The following MICAL2 variants were observed in gnomAD, a reference collection of about 807,000 sequenced individuals.
MICAL2 encodes microtubule associated monooxygenase, calponin and LIM domain containing 2.
A neutral mutation model predicts 127.3 loss-of-function variants in MICAL2; 77 were observed. The observed-to-expected ratio is 0.60, with a 90% CI of 0.50 to 0.73. The LOEUF is 0.73. Ranked by LOEUF, MICAL2 falls within the 30% of genes least tolerant of loss-of-function variation. MICAL2 has a pLI of 0.00. For synonymous variants in MICAL2, 570 were observed against 551.1 expected (o/e 1.03, Z -0.48); for missense variants, 1,351 against 1,434.4 (o/e 0.94, Z 0.94).
intron 2 of MICAL2, chr11:12,281,142 G>A: frequency 2.6e-6 from 1 of 384,300 alleles, no homozygotes; most frequent in Non-Finnish European, 4.5e-6. Context: ...GAAGTGGGGA[G>A]GGAACAGAGA....
chr11:12,186,337 C>T (rs1858273852), intron 3 of MICAL2, among the ~76,000 whole-genome samples: 1 of 152,040 alleles, frequency 6.6e-6, no homozygotes, highest in African/African-American at 2.4e-5. Flanking sequence ...GCCTTAGACC[C>T]TTTAAAAGTA....
At chr11:12,148,221 T>G (rs1853164231) in intron 2 of MICAL2, among the ~76,000 whole-genome samples, 1 of 152,136 alleles carries the variant, frequency 6.6e-6, no homozygotes, top group Non-Finnish European at 1.5e-5. Flanking sequence ...GGGGCACAGC[T>G]TGTAGTAGGT....
intron 3 of MICAL2, among the ~76,000 whole-genome samples, chr11:12,194,608 TC>T (rs1859643759): frequency 6.6e-6 from 1 of 152,170 alleles, no homozygotes; most frequent in Non-Finnish European, 1.5e-5. Context: ...CTCAGAAGCC[TC>T]CCCTCTTTCT....
chr11:12,334,137 AT>A (rs1276723137), intron 32 of MICAL2, among the ~76,000 whole-genome samples: 1 of 152,202 alleles, frequency 6.6e-6, no homozygotes, highest in African/African-American at 2.4e-5. Flanking sequence ...AAAGACACTC[AT>A]TTGGAAAATA....
intron 27 of MICAL2, 200 bp downstream of exon 27, chr11:12,262,737 T>C (rs1590705040): frequency 3.6e-6 from 2 of 560,938 alleles, no homozygotes; most frequent in African/African-American, 3.8e-5. Flanking sequence ...TCATTTCCCA[T>C]GGAGCTGGCA....
upstream of MICAL2, among the ~76,000 whole-genome samples, chr11:12,273,008 A>G (rs563651670): frequency 2.6e-5 from 4 of 152,370 alleles, no homozygotes; most frequent in East Asian, 7.7e-4. Flanking sequence ...GCAAAGTCAC[A>G]GCGTAAAGCG....
rs187718600 is a variant in MICAL2, at chr11:12,155,489, A to C, written c.-77-6590A>C. On this transcript the variant is annotated intron_variant, in intron 2 of 27. Transcript: ENST00000683283. ...ACATGTACACATGTATACCCCTGCA[A>C]ACATACACACGTACACATACGCATA... Among the ~76,000 whole-genome samples, 17 of 152,254 alleles carry C rather than the reference A, an allele frequency of 1.1e-4. No homozygotes were observed. In the East Asian group the frequency reaches 2.9e-3, roughly 26 times the overall value.
chr11:12,336,454 T>C (rs2134871733), intron 32 of MICAL2, among the ~76,000 whole-genome samples: 1 of 152,350 alleles, frequency 6.6e-6, no homozygotes, highest in Non-Finnish European at 1.5e-5. Flanking sequence ...TTCCTTCTCC[T>C]GCCTGATTGC....
intron 1 of MICAL2, chr11:12,116,616 T>G (rs1469934330): frequency 6.6e-6 from 1 of 152,248 alleles, no homozygotes; most frequent in African/African-American, 2.4e-5. Context: ...ATAAGGTTTC[T>G]TCTTCCTAAA....
chr11:12,217,292 C>T (rs1197596744), intron 8 of MICAL2, among the ~76,000 whole-genome samples: 1 of 152,210 alleles, frequency 6.6e-6, no homozygotes, highest in African/African-American at 2.4e-5. Flanking sequence ...TATCTTCTTT[C>T]CTGCGTGTGC....
At chr11:12,234,204 C>A (rs1858705301) in intron 15 of MICAL2, among the ~76,000 whole-genome samples, 1 of 152,082 alleles carries the variant, frequency 6.6e-6, no homozygotes. Context: ...TATATAGGCT[C>A]CCGTGGAACA....
chr11:12,355,859 C>T (rs1939119839), intron 34 of MICAL2, among the ~76,000 whole-genome samples: 1 of 152,182 alleles, frequency 6.6e-6, no homozygotes, highest in Non-Finnish European at 1.5e-5. Context: ...AATCCTTATG[C>T]AGCAGCACTG....
intron 21 of MICAL2, among the ~76,000 whole-genome samples, chr11:12,246,410 A>G: frequency 6.6e-6 from 1 of 152,202 alleles, no homozygotes; most frequent in East Asian, 1.9e-4. Flanking sequence ...GCCATTTGCC[A>G]CGCTGGTGAG....
intron 3 of MICAL2, among the ~76,000 whole-genome samples, chr11:12,170,693 C>A (rs1018746515): frequency 1.3e-5 from 2 of 152,182 alleles, no homozygotes; most frequent in Non-Finnish European, 2.9e-5. Context: ...CTCCTGGGAG[C>A]CTTCCCTGAC....
At chr11:12,114,608 T>C (rs1037514229) in intron 1 of MICAL2, among the ~76,000 whole-genome samples, 1 of 152,160 alleles carries the variant, frequency 6.6e-6, no homozygotes, top group Non-Finnish European at 1.5e-5. Flanking sequence ...ACGCCGTGTC[T>C]GGGACACGCA....
At chr11:12,278,886 G>A (rs770713317) in intron 1 of MICAL2, among the ~76,000 whole-genome samples, 2 of 152,224 alleles carry the variant, frequency 1.3e-5, no homozygotes, top group Non-Finnish European at 1.5e-5. Context: ...TTTTGGGCAC[G>A]TTGGGTTTGA....
downstream of MICAL2, chr11:12,293,815 C>A: frequency 6.2e-7 from 1 of 1,606,878 alleles, no homozygotes; most frequent in Non-Finnish European, 8.5e-7. Flanking sequence ...GAAGCAACCA[C>A]AGAGACCCAC....
Position 12,226,165 on chromosome 11 carries a change from C to T in MICAL2, c.1689-6C>T, listed in dbSNP as rs762883660. 1 of 1,614,148 alleles carries T rather than the reference C, an allele frequency of 6.2e-7. No individual in the cohort carries two copies. The highest frequency in any genetic ancestry group is 1.3e-5 in the African/African-American group (1 of 75,064). On this transcript the variant is annotated splice_region_variant and splice_polypyrimidine_tract_variant and intron_variant, in intron 13 of 27. Coordinates refer to ENST00000683283, the MANE Select transcript of MICAL2 (RefSeq NM_001282663.2). ...TGAATTTCTCTGCTTTGTTTTGATT[C>T]TCTAGCAACTTTGACTCTTTGAATG...
chr11:12,177,897 C>T (rs1857006395), intron 3 of MICAL2, among the ~76,000 whole-genome samples: 1 of 152,158 alleles, frequency 6.6e-6, no homozygotes, highest in Non-Finnish European at 1.5e-5. Context: ...CTCTCTTGAG[C>T]CCCATGACCC....
Sources: allele counts gnomAD v4.1 joint callset (sites outside exome capture counted in the v4.1 genomes callset), GRCh38; gene constraint gnomAD v4.1.1; transcripts MANE v1.5; gene names NCBI Gene and HGNC (gene_info 2026-07-23, HGNC 2026-07-21).